EIPR1: variants seen among roughly 807,000 people sequenced by gnomAD.
EIPR1 encodes EARP and GARP complex-interacting protein 1.
In EIPR1, 25 loss-of-function variants were observed where a neutral mutation model predicts 48.1. The ratio of observed to expected loss-of-function variants is 0.52; its 90% CI spans 0.38 to 0.73. The LOEUF (loss-of-function observed/expected upper bound fraction) is 0.73. Among genes scored for constraint, EIPR1 ranks in the 30% least tolerant of loss-of-function variants. The pLI, the probability that EIPR1 is intolerant of heterozygous loss-of-function variation, is 0.00. For synonymous variants in EIPR1, 204 were observed against 201.9 expected (o/e 1.01, Z -0.09); for missense variants, 415 against 506.2 (o/e 0.82, Z 1.73).
intron 1 of EIPR1, among the ~76,000 whole-genome samples, chr2:3,375,514 G>T (rs1026267735): frequency 2.0e-5 from 3 of 152,154 alleles, no homozygotes; most frequent in Non-Finnish European, 4.4e-5. Flanking sequence ...AAATTAAGTA[G>T]CACTGGCAGA....
chr2:3,348,703 C>T (rs1477217722), intron 2 of EIPR1, among the ~76,000 whole-genome samples: 2 of 152,238 alleles, frequency 1.3e-5, no homozygotes, highest in African/African-American at 4.8e-5. Flanking sequence ...TATGCAGTAA[C>T]GATGCAGGTA....
chr2:3,234,760 T>C (rs1200872581), intron 4 of EIPR1, among the ~76,000 whole-genome samples: 1 of 152,242 alleles, frequency 6.6e-6, no homozygotes, highest in Non-Finnish European at 1.5e-5. Flanking sequence ...CTCCAAGCCC[T>C]GCCCTTGCAC....
At chr2:3,247,957 G>A (rs1011857666) in intron 4 of EIPR1, among the ~76,000 whole-genome samples, 1 of 152,094 alleles carries the variant, frequency 6.6e-6, no homozygotes, top group East Asian at 1.9e-4. Context: ...TTTCCAGAAA[G>A]AATTTAAGGG....
chr2:3,338,607 G>A (rs779843655), intron 2 of EIPR1, among the ~76,000 whole-genome samples: 32 of 152,180 alleles, frequency 2.1e-4, no homozygotes, highest in Non-Finnish European at 4.0e-4. Flanking sequence ...GGCCCACTCT[G>A]TCTATAGTGG....
chr2:3,314,766 C>T (rs1444213695), intron 3 of EIPR1, among the ~76,000 whole-genome samples: 1 of 151,922 alleles, frequency 6.6e-6, no homozygotes, highest in African/African-American at 2.4e-5. Context: ...CCCCCAGCCT[C>T]CAGCTAGCCT....
At chr2:3,237,163 A>G (rs1190060738) in intron 4 of EIPR1, among the ~76,000 whole-genome samples, 1 of 151,462 alleles carries the variant, frequency 6.6e-6, no homozygotes, top group Non-Finnish European at 1.5e-5. Flanking sequence ...AAAACCACAA[A>G]TCATTAACCT....
At chr2:3,203,439 G>A (rs1270323787) in intron 5 of EIPR1, among the ~76,000 whole-genome samples, 1 of 152,254 alleles carries the variant, frequency 6.6e-6, no homozygotes, top group Non-Finnish European at 1.5e-5. Flanking sequence ...CCTGATTGAA[G>A]GGGAACCACG....
chr2:3,288,923 C>A (rs956242629), intron 3 of EIPR1, among the ~76,000 whole-genome samples: 1 of 152,214 alleles, frequency 6.6e-6, no homozygotes, highest in African/African-American at 2.4e-5. Context: ...CAGCCCTGGC[C>A]CCCTGGGCAG....
At chr2:3,333,654 T>A (rs1249032476) in intron 3 of EIPR1, among the ~76,000 whole-genome samples, 1 of 151,642 alleles carries the variant, frequency 6.6e-6, no homozygotes. Context: ...GATGGGAGGA[T>A]TGCTTGAGCC....
At chr2:3,219,333 G>A (rs1465401754) in intron 4 of EIPR1, among the ~76,000 whole-genome samples, 1 of 38,204 alleles carries the variant, frequency 2.6e-5, no homozygotes, top group Non-Finnish European at 6.1e-5. Flanking sequence ...ACACGACCCT[G>A]GTATAATCTA....
chr2:3,324,803 C>T (rs1214414598), intron 3 of EIPR1, among the ~76,000 whole-genome samples: 2 of 152,126 alleles, frequency 1.3e-5, no homozygotes, highest in African/African-American at 4.8e-5. Flanking sequence ...CGCGCTCAGA[C>T]TTCCGAAGTG....
At chr2:3,313,744 A>G (rs1669198473) in intron 3 of EIPR1, among the ~76,000 whole-genome samples, 1 of 152,188 alleles carries the variant, frequency 6.6e-6, no homozygotes. Context: ...TCTGGGTTTC[A>G]GAAAAGTCAC....
intron 5 of EIPR1, among the ~76,000 whole-genome samples, chr2:3,200,634 C>T (rs548085936): frequency 6.6e-6 from 1 of 151,424 alleles, no homozygotes; most frequent in Non-Finnish European, 1.5e-5. Context: ...CTGTCCAGAA[C>T]TGAAAGGTGG....
At chr2:3,239,544 C>T (rs1181894073) in intron 4 of EIPR1, among the ~76,000 whole-genome samples, 2 of 152,230 alleles carry the variant, frequency 1.3e-5, no homozygotes, top group Admixed American at 1.3e-4. Context: ...TCTGCATGGA[C>T]ATCCCGGGTG....
intron 1 of EIPR1, among the ~76,000 whole-genome samples, chr2:3,364,710 A>G (rs545482476): frequency 3.3e-5 from 5 of 152,220 alleles, no homozygotes; most frequent in African/African-American, 4.8e-5. Context: ...CATTATGTTA[A>G]GTGAACTAAG....
intron 8 of EIPR1, among the ~76,000 whole-genome samples, chr2:3,191,007 T>C (rs1329896047): frequency 6.6e-6 from 1 of 152,170 alleles, no homozygotes; most frequent in African/African-American, 2.4e-5. Flanking sequence ...GGTGAGAGGA[T>C]CACCTGAGCC....
chr2:3,257,364 G>A lies in EIPR1; in HGVS notation c.351C>T (p.Ser117=). The change falls in exon 4 of 9, where the codon TCC becomes TCT. Residue 117 remains serine, a synonymous_variant. Coordinates refer to ENST00000382125, the MANE Select transcript of EIPR1 (RefSeq NM_003310.5). Reference sequence around the variant, plus strand: ...GCAGCTCCAGGGTCTGTGCAGTGCTGGATGAATCATCAGGGGACTCGTGGC... The same window carrying A: ...GCAGCTCCAGGGTCTGTGCAGTGCTAGATGAATCATCAGGGGACTCGTGGC... ...SGSHESPDDS[S]STAQTLELLC... The A allele has an allele frequency of 6.2e-7, 1 of 1,614,144 alleles. No homozygotes were observed. Among genetic ancestry groups the A allele is most frequent in the Non-Finnish European group, 8.5e-7 (1 of 1,180,024 alleles).
intron 3 of EIPR1, among the ~76,000 whole-genome samples, chr2:3,294,945 TAC>T (rs58247860): frequency 0.63 from 40,894 of 65,380 alleles, 15,092 homozygotes; most frequent in Middle Eastern, 0.79. Flanking sequence ...CCATCCTCTC[TAC>T]ACACACACAC....
At chr2:3,246,391 C>T (rs753811526) in intron 4 of EIPR1, among the ~76,000 whole-genome samples, 1 of 152,170 alleles carries the variant, frequency 6.6e-6, no homozygotes, top group Non-Finnish European at 1.5e-5. Context: ...CTGTGCCTGG[C>T]GGAGCCACAC....
Sources: gnomAD v4.1 joint callset for allele counts (sites outside exome capture counted in the v4.1 genomes callset) on GRCh38, gnomAD v4.1.1 for gene constraint, MANE v1.5 for transcripts, NCBI Gene and HGNC (gene_info 2026-07-23, HGNC 2026-07-21) for gene names.